The following ZNF827 variants were observed in gnomAD, a reference collection of about 807,000 sequenced individuals.
ZNF827 encodes the protein zinc finger protein 827.
In ZNF827, 13 loss-of-function variants were observed where a neutral mutation model predicts 102.4. That is an observed-to-expected ratio of 0.13 (90% CI 0.08 to 0.20). The LOEUF (loss-of-function observed/expected upper bound fraction) is 0.20, where lower values mean the gene tolerates loss of function less well. Among genes scored for constraint, ZNF827 ranks in the 10% least tolerant of loss-of-function variants. The pLI, the probability that ZNF827 is intolerant of heterozygous loss-of-function variation, is 1.00. For synonymous variants in ZNF827, 523 were observed against 536.2 expected, an observed-to-expected ratio of 0.98 and a Z score of 0.34; for missense variants, 1,103 against 1,344.4, an observed-to-expected ratio of 0.82 and a Z score of 2.81.
intron 11 of ZNF827, among the ~76,000 whole-genome samples, chr4:145,770,381 C>T (rs1470682383): frequency 3.3e-5 from 5 of 151,536 alleles, no homozygotes; most frequent in Admixed American, 3.3e-4. Flanking sequence ...TTGAATCTCA[C>T]TTCTACCACT....
In ZNF827 at chr4:145,906,625, T is replaced by C. The variant is rs565585340; in HGVS notation, c.44-3410A>G. The stretch of plus-strand genomic sequence containing the variant: ...AGGCTAAAGAAACTGTCAATTCAGG[T>C]TCTAATCCTACCAAGCAGTGATAAA... On this transcript the variant is annotated intron_variant, in intron 1 of 14. Transcript: ENST00000508784. Among the ~76,000 whole-genome samples the C allele has an allele frequency of 2.6e-5, 4 of 152,264 alleles. No homozygotes were observed. In the South Asian group the frequency reaches 8.3e-4, roughly 32 times the overall value.
At chr4:145,780,280 G>A (rs142153568) in intron 8 of ZNF827, among the ~76,000 whole-genome samples, 2 of 152,308 alleles carry the variant, frequency 1.3e-5, no homozygotes, top group East Asian at 1.9e-4. Context: ...TCCCTTGAAA[G>A]GAAATATGCT....
Position 145,797,322 on chromosome 4 carries a change from A to G in ZNF827, c.2384-17811T>C, listed in dbSNP as rs184108559. On this transcript the variant is annotated intron_variant, in intron 8 of 14. Transcript: ENST00000508784. Reference sequence around the variant, plus strand: ...AAAGTAAGTTCAGATCTTGCTCTTAAAGGTAAACTCTTTGCCTTTAGGAAA... The same window carrying G: ...AAAGTAAGTTCAGATCTTGCTCTTAGAGGTAAACTCTTTGCCTTTAGGAAA... 1.2e-4 allele frequency among the ~76,000 whole-genome samples: 18 copies of G among 152,346 alleles called. No individual in the cohort carries two copies. The East Asian group carries it at 3.5e-3, about 29-fold the overall frequency.
intron 8 of ZNF827, among the ~76,000 whole-genome samples, chr4:145,811,764 C>A (rs1742032682): frequency 6.6e-6 from 1 of 152,178 alleles, no homozygotes; most frequent in African/African-American, 2.4e-5. Context: ...ATGAGAGACT[C>A]CAATGTGAAC....
chr4:145,884,584 CT>C (rs907811206), intron 4 of ZNF827, among the ~76,000 whole-genome samples: 21 of 152,142 alleles, frequency 1.4e-4, no homozygotes, highest in Non-Finnish European at 5.9e-5. Context: ...TAAAATCATA[CT>C]CTTAAAAGCG....
Position 145,938,365 on chromosome 4 carries a change from G to C in ZNF827, c.43C>G (p.His15Asp). 6.2e-7 allele frequency: 1 copy of C among 1,613,622 alleles called. No homozygotes were observed. Residue 15 changes from histidine (H) to aspartate (D), a missense_variant and splice_region_variant, in exon 1 of 15, where the codon CAT becomes GAT. By Grantham distance (81) the His-to-Asp change is moderately conservative. Transcript: ENST00000508784. ...AGGAGGTGGAGAAGGGATGACTTAC[G>C]TGAGGGAAGGCGCTTGGGCTGCTCC... ...KQEQPKRLPSHVSRQEEAEGE... is the reference protein window; with the variant it reads ...KQEQPKRLPSDVSRQEEAEGE...
At chr4:145,868,421 G>A (rs193280528) in intron 5 of ZNF827, among the ~76,000 whole-genome samples, 65 of 152,234 alleles carry the variant, frequency 4.3e-4, no homozygotes, top group Non-Finnish European at 8.1e-4. Flanking sequence ...TCCACATCAC[G>A]AAGCAGGGGC....
intron 2 of ZNF827, among the ~76,000 whole-genome samples, chr4:145,893,334 G>T (rs1208125431): frequency 6.6e-6 from 1 of 152,198 alleles, no homozygotes; most frequent in Non-Finnish European, 1.5e-5. Flanking sequence ...GGAATAAAAA[G>T]AAGCAGAATC....
At chr4:145,829,443 A>G (rs1378147034) in intron 7 of ZNF827, among the ~76,000 whole-genome samples, 3 of 149,836 alleles carry the variant, frequency 2.0e-5, no homozygotes, top group Non-Finnish European at 3.0e-5. Context: ...TTAATCAAGT[A>G]AAAGTACTCG....
intron 3 of ZNF827, among the ~76,000 whole-genome samples, chr4:145,888,188 A>G (rs1284969511): frequency 1.3e-5 from 2 of 152,198 alleles, no homozygotes; most frequent in African/African-American, 4.8e-5. Flanking sequence ...TGCACTTAAC[A>G]ATTTTTTTTG....
At chr4:145,931,384 G>A (rs566364503) in intron 1 of ZNF827, among the ~76,000 whole-genome samples, 2 of 152,306 alleles carry the variant, frequency 1.3e-5, no homozygotes, top group East Asian at 1.9e-4. Flanking sequence ...GTGGTTCTAA[G>A]AGTACATTAA....
chr4:145,919,776 C>T (rs1752930235), intron 1 of ZNF827, among the ~76,000 whole-genome samples: 1 of 152,200 alleles, frequency 6.6e-6, no homozygotes, highest in Non-Finnish European at 1.5e-5. Flanking sequence ...TAACATTAAA[C>T]CAGAAACCTG....
chr4:145,783,132 C>T (rs1424724870), intron 8 of ZNF827, among the ~76,000 whole-genome samples: 1 of 152,206 alleles, frequency 6.6e-6, no homozygotes, highest in Non-Finnish European at 1.5e-5. Flanking sequence ...AAGCAGTACT[C>T]AGTCAACACG....
chr4:145,825,449 G>T (rs1400123052), intron 7 of ZNF827, among the ~76,000 whole-genome samples: 4 of 152,230 alleles, frequency 2.6e-5, no homozygotes, highest in Non-Finnish European at 5.9e-5. Context: ...GCGGCCTGGG[G>T]GACTTGCAGA....
intron 5 of ZNF827, among the ~76,000 whole-genome samples, chr4:145,858,952 T>C (rs559311877): frequency 2.2e-4 from 34 of 152,238 alleles, no homozygotes; most frequent in Non-Finnish European, 3.2e-4. Flanking sequence ...ATTACTAATA[T>C]GCACTAGTAT....
intron 6 of ZNF827, among the ~76,000 whole-genome samples, chr4:145,849,001 C>G (rs1560995100): frequency 6.6e-6 from 1 of 152,022 alleles, no homozygotes; most frequent in Non-Finnish European, 1.5e-5. Context: ...AAAAAAAAGC[C>G]TGTTAATCAG....
At chr4:145,831,492 G>C (rs1383477214) in intron 7 of ZNF827, 1 of 152,196 alleles carries the variant, frequency 6.6e-6, no homozygotes, top group Admixed American at 6.5e-5. Flanking sequence ...GGGACTCAAG[G>C]GTTCTCAATC....
intron 7 of ZNF827, among the ~76,000 whole-genome samples, chr4:145,827,249 T>C (rs1420431341): frequency 6.6e-6 from 1 of 152,104 alleles, no homozygotes; most frequent in African/African-American, 2.4e-5. Flanking sequence ...ACCTAAGGAA[T>C]TTATGGACAA....
chr4:145,820,761 T>C (rs547213897), intron 8 of ZNF827, among the ~76,000 whole-genome samples: 1 of 152,334 alleles, frequency 6.6e-6, no homozygotes, highest in Admixed American at 6.5e-5. Flanking sequence ...TAGGCTCCTG[T>C]CATTTGCCCC....
Sources: gnomAD v4.1 joint callset for allele counts (sites outside exome capture counted in the v4.1 genomes callset) on GRCh38, gnomAD v4.1.1 for gene constraint, MANE v1.5 for transcripts, NCBI Gene and HGNC (gene_info 2026-07-23, HGNC 2026-07-21) for gene names.